ZDHHC14: variants seen among roughly 807,000 people sequenced by gnomAD.
The protein encoded by ZDHHC14 is palmitoyltransferase ZDHHC14.
A neutral mutation model predicts 47.7 loss-of-function variants in ZDHHC14; 16 were observed. The observed-to-expected ratio is 0.34, with a 90% CI of 0.23 to 0.51. The LOEUF (loss-of-function observed/expected upper bound fraction) is 0.51, where lower values mean the gene tolerates loss of function less well. Among genes scored for constraint, ZDHHC14 ranks in the 20% least tolerant of loss-of-function variants. The pLI, the probability that ZDHHC14 is intolerant of heterozygous loss-of-function variation, is 0.97. For synonymous variants in ZDHHC14, 293 were observed against 278.9 expected (o/e 1.05, Z -0.50); for missense variants, 515 against 662.5 (o/e 0.78, Z 2.44).
chr6:157,536,448 A>T (rs980993940), intron 1 of ZDHHC14, among the ~76,000 whole-genome samples: 1 of 152,166 alleles, frequency 6.6e-6, no homozygotes, highest in Non-Finnish European at 1.5e-5. Context: ...AAGATTCTCT[A>T]CTTCTTGTTC....
intron 1 of ZDHHC14, among the ~76,000 whole-genome samples, chr6:157,396,277 G>A (rs1447213093): frequency 6.6e-6 from 1 of 151,972 alleles, no homozygotes; most frequent in Non-Finnish European, 1.5e-5. Flanking sequence ...TCCCACAAGG[G>A]GACAGCTAGG....
intron 8 of ZDHHC14, among the ~76,000 whole-genome samples, chr6:157,670,985 A>G (rs964020376): frequency 6.6e-6 from 1 of 152,124 alleles, no homozygotes; most frequent in African/African-American, 2.4e-5. Flanking sequence ...TAGGATCAGC[A>G]GCTTTGGGTG....
chr6:157,400,779 C>G (rs1427188252), intron 1 of ZDHHC14, among the ~76,000 whole-genome samples: 1 of 152,212 alleles, frequency 6.6e-6, no homozygotes, highest in Non-Finnish European at 1.5e-5. Flanking sequence ...TCCTGATGCC[C>G]CTGGCAGTAA....
intron 1 of ZDHHC14, among the ~76,000 whole-genome samples, chr6:157,522,795 C>T (rs1780978863): frequency 7.3e-4 from 7 of 9,640 alleles, no homozygotes; most frequent in East Asian, 4.2e-3. Flanking sequence ...TTCCATTCCT[C>T]CCTCCCTCCC....
intron 1 of ZDHHC14, among the ~76,000 whole-genome samples, chr6:157,399,922 A>G (rs1338900967): frequency 6.6e-6 from 1 of 152,260 alleles, no homozygotes; most frequent in Admixed American, 6.5e-5. Flanking sequence ...AGTTTTACTC[A>G]GAACCATTTG....
At chr6:157,589,238 C>T (rs1019880340) in intron 2 of ZDHHC14, among the ~76,000 whole-genome samples, 8 of 152,164 alleles carry the variant, frequency 5.3e-5, no homozygotes, top group Admixed American at 3.3e-4. Context: ...TGATAACTCA[C>T]TATCAGAAGA....
rs1235793829 is a variant in ZDHHC14 at position 157,381,473 on chromosome 6, G to A, written c.-549G>A. On this transcript the variant is annotated 5_prime_UTR_variant, in exon 1 of 9. Transcript: ENST00000359775. ...CCCTGGGAGGGGTTGCCGGTGCCGC[G>A]CGCGGCCGCCCAGTCGCCAGCGCTC... The A allele has an allele frequency of 5.6e-6, 2 of 354,672 alleles. No homozygotes were observed. The highest frequency in any genetic ancestry group is 1.9e-5 in the South Asian group (1 of 52,890). The allele number at this position is 354,672 out of a possible 1,614,324, so 22.0% of individuals were successfully genotyped here.
intron 1 of ZDHHC14, among the ~76,000 whole-genome samples, chr6:157,457,222 G>A (rs1233905504): frequency 1.3e-5 from 2 of 150,096 alleles, no homozygotes; most frequent in African/African-American, 2.4e-5. Context: ...CTTTTTTGGC[G>A]CCAGAGTGGG....
At chr6:157,499,542 A>G (rs1447998432) in intron 1 of ZDHHC14, among the ~76,000 whole-genome samples, 1 of 148,480 alleles carries the variant, frequency 6.7e-6, no homozygotes, top group Non-Finnish European at 1.5e-5. Flanking sequence ...AATTTTGGGG[A>G]ACCCATTCGC....
chr6:157,621,134 C>T (rs1785171586), intron 3 of ZDHHC14, among the ~76,000 whole-genome samples: 1 of 152,102 alleles, frequency 6.6e-6, no homozygotes, highest in African/African-American at 2.4e-5. Flanking sequence ...GACCTAGAGC[C>T]GCATGAATCA....
Position 157,667,303 on chromosome 6 carries a change from G to A in ZDHHC14, c.1069-5421G>A, listed in dbSNP as rs114302446. On this transcript the variant is annotated intron_variant, in intron 8 of 8. Transcript: ENST00000359775. ...ACGGCTTCTTGGTGTTAGCCGGGAT[G>A]TATGCACAGCCACCAAATTGTAAGA... Among the ~76,000 whole-genome samples, 216 of 152,246 alleles carry A rather than the reference G, an allele frequency of 1.4e-3. 1 individual carries two copies. Among genetic ancestry groups the A allele is most frequent in the African/African-American group, 4.5e-3 (189 of 41,556 alleles).
At chr6:157,522,965 CTTTTCTTTTCTTTTCTTTTTCTTTTCT>C (rs1340637036) in intron 1 of ZDHHC14, among the ~76,000 whole-genome samples, 8 of 27,284 alleles carry the variant, frequency 2.9e-4, no homozygotes, top group African/African-American at 1.4e-3. Context: ...TTCCTTCTTT[CTTTTCTTTTCTTTTCTTTTTCTTTTCT>C]TTTCTTTTCT....
At chr6:157,535,415 G>A (rs938391687) in intron 1 of ZDHHC14, among the ~76,000 whole-genome samples, 9 of 152,284 alleles carry the variant, frequency 5.9e-5, no homozygotes, top group Admixed American at 3.3e-4. Context: ...GTTCTCACCC[G>A]ACAAAGGTAG....
chr6:157,670,226 C>G (rs970718410), intron 8 of ZDHHC14, among the ~76,000 whole-genome samples: 2 of 152,220 alleles, frequency 1.3e-5, no homozygotes, highest in Middle Eastern at 3.2e-3. Context: ...CGCCGTGGCA[C>G]AAATGATTGT....
chr6:157,548,641 T>G (rs551483959), intron 2 of ZDHHC14, among the ~76,000 whole-genome samples: 1 of 152,320 alleles, frequency 6.6e-6, no homozygotes, highest in Admixed American at 6.5e-5. Flanking sequence ...AGATGGGGTT[T>G]CTCTGTGTTG....
chr6:157,399,392 G>A (rs141738572), intron 1 of ZDHHC14, among the ~76,000 whole-genome samples: 157 of 152,304 alleles, frequency 1.0e-3, no homozygotes, highest in African/African-American at 2.7e-3. Context: ...GCACCATGCC[G>A]TGGGATAAGA....
rs566413668 is a variant in ZDHHC14 at position 157,531,587 on chromosome 6, G to C, written c.246-10998G>C. 6.6e-5 allele frequency among the ~76,000 whole-genome samples: 10 copies of C among 151,672 alleles called. No homozygotes were observed. The South Asian group carries it at 8.3e-4, about 13-fold the overall frequency. Reference sequence around the variant, plus strand: ...TCTTTTGTTTGTAGTGTGCTGATTTGCCCCACCCCCCAACCCCCACACTGG... The same window carrying C: ...TCTTTTGTTTGTAGTGTGCTGATTTCCCCCACCCCCCAACCCCCACACTGG... On this transcript the variant is annotated intron_variant, in intron 1 of 8. Transcript: ENST00000359775.
At chr6:157,514,361 T>C (rs1780602066) in intron 1 of ZDHHC14, among the ~76,000 whole-genome samples, 1 of 152,194 alleles carries the variant, frequency 6.6e-6, no homozygotes, top group African/African-American at 2.4e-5. Flanking sequence ...ATGCCCATGG[T>C]CACTTTCACC....
intron 1 of ZDHHC14, among the ~76,000 whole-genome samples, chr6:157,438,985 C>T (rs900546790): frequency 1.3e-5 from 2 of 152,160 alleles, no homozygotes; most frequent in African/African-American, 4.8e-5. Flanking sequence ...TTAGCCACTC[C>T]ACTGCTTAGA....
Sources: allele counts gnomAD v4.1 joint callset (sites outside exome capture counted in the v4.1 genomes callset), GRCh38; gene constraint gnomAD v4.1.1; transcripts MANE v1.5; gene names NCBI Gene and HGNC (gene_info 2026-07-23, HGNC 2026-07-21).